COG5: variants seen among roughly 807,000 people sequenced by gnomAD.
COG5 encodes the protein component of oligomeric golgi complex 5, also known as conserved oligomeric Golgi complex subunit 5.
Under a neutral mutation model 110.4 loss-of-function variants are expected in COG5, and 86 were observed. That is an observed-to-expected ratio of 0.78 (90% CI 0.65 to 0.93). The LOEUF (loss-of-function observed/expected upper bound fraction) is 0.93. COG5 is among the 40% of genes least tolerant of loss of function. The probability of loss-of-function intolerance (pLI) is 0.00; values close to 1 mark genes in which losing one functional copy is unlikely to be tolerated. For missense variants in COG5, 1,077 were observed against 987.0 expected, an observed-to-expected ratio of 1.09 and a Z score of -1.22; for synonymous variants, 360 against 334.6, an observed-to-expected ratio of 1.08 and a Z score of -0.83.
intron 6 of COG5, among the ~76,000 whole-genome samples, chr7:107,518,175 G>GA (rs1388737381): frequency 6.6e-6 from 1 of 152,082 alleles, no homozygotes; most frequent in East Asian, 1.9e-4. Context: ...ATATGGAAAG[G>GA]AAAAACCAGT....
chr7:107,492,401 T>C (rs1331056539), intron 6 of COG5, among the ~76,000 whole-genome samples: 2 of 152,126 alleles, frequency 1.3e-5, no homozygotes, highest in African/African-American at 4.8e-5. Context: ...TGTTACCTTA[T>C]AGCTCTGAAG....
chr7:107,278,544 G>T (rs972097075), intron 14 of COG5, among the ~76,000 whole-genome samples: 1 of 152,064 alleles, frequency 6.6e-6, no homozygotes, highest in Non-Finnish European at 1.5e-5. Flanking sequence ...TCCTGTGTTT[G>T]TTTGCTGAGA....
At chr7:107,338,594 A>G (rs779032280) in intron 10 of COG5, among the ~76,000 whole-genome samples, 11 of 152,108 alleles carry the variant, frequency 7.2e-5, no homozygotes, top group Non-Finnish European at 1.6e-4. Context: ...AATTACTTAT[A>G]TATGATACCA....
intron 10 of COG5, among the ~76,000 whole-genome samples, chr7:107,330,715 G>C (rs1347325809): frequency 6.6e-6 from 1 of 152,066 alleles, no homozygotes; most frequent in Non-Finnish European, 1.5e-5. Flanking sequence ...ACTCTAGAAA[G>C]GTGACTTCAT....
chr7:107,274,204 G>A (rs1194707982), intron 14 of COG5, among the ~76,000 whole-genome samples: 1 of 152,168 alleles, frequency 6.6e-6, no homozygotes, highest in Non-Finnish European at 1.5e-5. Flanking sequence ...TGAGGCAGGA[G>A]GATTGCTTGA....
intron 6 of COG5, among the ~76,000 whole-genome samples, chr7:107,491,020 A>G (rs1477443194): frequency 1.6e-4 from 25 of 152,110 alleles, no homozygotes; most frequent in Non-Finnish European, 1.5e-5. Flanking sequence ...AAGTCTTCCT[A>G]ACTAATCCTT....
chr7:107,481,422 C>T (rs1797333635), intron 6 of COG5, among the ~76,000 whole-genome samples: 1 of 151,960 alleles, frequency 6.6e-6, no homozygotes, highest in African/African-American at 2.4e-5. Context: ...GAGCACTGGC[C>T]ATATTAAACG....
chr7:107,411,670 G>C (rs1370237103), intron 7 of COG5, among the ~76,000 whole-genome samples: 2 of 152,058 alleles, frequency 1.3e-5, no homozygotes, highest in African/African-American at 4.8e-5. Context: ...ACCTGATTCA[G>C]TTATATTTTA....
At chr7:107,360,115 G>C (rs76320401) in intron 10 of COG5, among the ~76,000 whole-genome samples, 1 of 150,228 alleles carries the variant, frequency 6.7e-6, no homozygotes, top group South Asian at 2.1e-4. Flanking sequence ...CATGGATGTC[G>C]GGATGACCAG....
chr7:107,210,339 ATGT>A (rs1472647046), intron 21 of COG5, 184 bp downstream of exon 21: 14 of 1,433,826 alleles, frequency 9.8e-6, no homozygotes, highest in Non-Finnish European at 1.2e-5. Flanking sequence ...AAAGCAAAAG[ATGT>A]TGTGGCCAAC....
intron 17 of COG5, among the ~76,000 whole-genome samples, chr7:107,244,434 A>G (rs992629686): frequency 4.6e-5 from 7 of 152,216 alleles, no homozygotes; most frequent in East Asian, 1.9e-4. Flanking sequence ...AAGCATGAAC[A>G]AATCAACAAA....
chr7:107,403,660 G>A (rs1359741639), intron 7 of COG5, among the ~76,000 whole-genome samples: 1 of 151,936 alleles, frequency 6.6e-6, no homozygotes, highest in African/African-American at 2.4e-5. Context: ...AGTAAAATGA[G>A]GGGTAGAAGG....
chr7:107,463,139 C>A (rs979129815), intron 6 of COG5, among the ~76,000 whole-genome samples: 1 of 152,122 alleles, frequency 6.6e-6, no homozygotes, highest in Non-Finnish European at 1.5e-5. Flanking sequence ...AATCCAGGGC[C>A]GTAATGAGTC....
At position 107,469,623 on chromosome 7, in the gene COG5, T is replaced by C. The variant is rs984035089; in HGVS notation, c.539-56991A>G. 7.2e-5 allele frequency among the ~76,000 whole-genome samples: 11 copies of C among 152,302 alleles called. 1 individual carries two copies. Among genetic ancestry groups the C allele is most frequent in the South Asian group, 4.1e-4 (2 of 4,828 alleles). ...TACAAACAAACTATTTAAAATTCAC[T>C]GTGGCTCACAGTAAAGATGCAGTGG... is the stretch of plus-strand genomic sequence containing the variant. On this transcript the variant is annotated intron_variant, in intron 6 of 21. Coordinates refer to ENST00000297135, the MANE Select transcript of COG5 (RefSeq NM_006348.5).
At chr7:107,514,388 T>C (rs116424161) in intron 6 of COG5, among the ~76,000 whole-genome samples, 1,576 of 151,922 alleles carry the variant, frequency 0.01, 17 homozygotes, top group African/African-American at 0.036. Flanking sequence ...TATTTTGGTT[T>C]ATTATGAGGT....
chr7:107,511,986 A>G (rs1799552994), intron 6 of COG5, among the ~76,000 whole-genome samples: 1 of 152,204 alleles, frequency 6.6e-6, no homozygotes, highest in Admixed American at 6.6e-5. Flanking sequence ...AAGCTGGCAC[A>G]AGACAGGGAT....
At chr7:107,435,392 C>T (rs1044262658) in intron 6 of COG5, among the ~76,000 whole-genome samples, 2 of 152,132 alleles carry the variant, frequency 1.3e-5, no homozygotes, top group Non-Finnish European at 2.9e-5. Flanking sequence ...GTGGCTCACA[C>T]CTGTAATCCC....
At chr7:107,398,863 A>G (rs996695363) in intron 7 of COG5, among the ~76,000 whole-genome samples, 8 of 152,200 alleles carry the variant, frequency 5.3e-5, no homozygotes, top group African/African-American at 1.9e-4. Context: ...TGATGATGGC[A>G]ATATTCCAAA....
At chr7:107,365,688 G>A (rs1270387957) in intron 8 of COG5, among the ~76,000 whole-genome samples, 1 of 151,360 alleles carries the variant, frequency 6.6e-6, no homozygotes, top group Non-Finnish European at 1.5e-5. Context: ...CCCTGAGTGT[G>A]GGGCAGACTA....
Sources: gnomAD v4.1 joint callset for allele counts (sites outside exome capture counted in the v4.1 genomes callset) on GRCh38, gnomAD v4.1.1 for gene constraint, MANE v1.5 for transcripts, NCBI Gene and HGNC (gene_info 2026-07-23, HGNC 2026-07-21) for gene names.